Variants in ANKRD36C observed in about 807,000 individuals in gnomAD.
The protein encoded by ANKRD36C is ankyrin repeat domain 36C.
ANKRD36C carries 61 observed loss-of-function variants against 276.4 expected under a neutral mutation model. The ratio of observed to expected loss-of-function variants is 0.22; its 90% CI spans 0.18 to 0.27. The LOEUF is 0.27. Ranked by LOEUF, ANKRD36C falls within the 10% of genes least tolerant of loss-of-function variation. ANKRD36C has a pLI of 1.00. For synonymous variants in ANKRD36C, 483 were observed against 680.1 expected (o/e 0.71, Z 4.51); for missense variants, 1,447 against 2,032.3 (o/e 0.71, Z 5.54).
intron 1 of ANKRD36C, among the ~76,000 whole-genome samples, chr2:95,990,345 C>G (rs988607364): frequency 6.6e-6 from 1 of 152,308 alleles, no homozygotes; most frequent in East Asian, 1.9e-4. Flanking sequence ...TTCGCCATTA[C>G]TTGTAATTGC....
intron 63 of ANKRD36C, 41 bp from the exon 84 acceptor site, chr2:95,853,902 C>A (rs1558615211): frequency 6.3e-7 from 1 of 1,575,932 alleles, no homozygotes; most frequent in East Asian, 2.3e-5. Flanking sequence ...TACAAATCAC[C>A]TTATTATTAA....
At chr2:95,917,830 C>T in intron 36 of ANKRD36C, 25 bp downstream of exon 38, 2 of 1,581,138 alleles carry the variant, frequency 1.3e-6, no homozygotes, top group South Asian at 1.1e-5. Context: ...TTGAACGTGA[C>T]ATTAAATGTC....
intron 17 of ANKRD36C, among the ~76,000 whole-genome samples, chr2:95,945,490 G>T (rs1262351186): frequency 6.6e-6 from 1 of 152,258 alleles, no homozygotes; most frequent in Non-Finnish European, 1.5e-5. Context: ...GTAATTTAGA[G>T]TATGACTGAA....
chr2:95,965,992 G>T (rs147000504), intron 6 of ANKRD36C, among the ~76,000 whole-genome samples: 1 of 151,956 alleles, frequency 6.6e-6, no homozygotes, highest in Non-Finnish European at 1.5e-5. Context: ...GTTACATGTC[G>T]TCAATAAGTT....
chr2:95,893,174 C>G (rs1411528063), intron 44 of ANKRD36C, among the ~76,000 whole-genome samples: 4 of 151,420 alleles, frequency 2.6e-5, no homozygotes, highest in Non-Finnish European at 1.5e-5. Flanking sequence ...CTGTTTTTAG[C>G]AGTACGATGT....
At chr2:95,855,181 A>G in intron 63 of ANKRD36C, 85 bp downstream of exon 83, 2 of 1,459,468 alleles carry the variant, frequency 1.4e-6, no homozygotes, top group Non-Finnish European at 1.8e-6. Flanking sequence ...ATATTCAACT[A>G]GATCCAACAT....
At chr2:95,885,728 G>A (rs982133388) in intron 52 of ANKRD36C, among the ~76,000 whole-genome samples, 78 of 151,694 alleles carry the variant, frequency 5.1e-4, no homozygotes, top group Non-Finnish European at 1.6e-4. Flanking sequence ...ACTTCGTCTC[G>A]TTCTCCTTCC....
chr2:95,948,632 TTCA>T, intron 16 of ANKRD36C, 36 bp from the exon 17 acceptor site: 6 of 1,527,082 alleles, frequency 3.9e-6, no homozygotes, highest in Non-Finnish European at 5.3e-6. Flanking sequence ...AATGAGCACG[TTCA>T]TTTCTTAAAA....
At chr2:95,902,536 C>G (rs557548357) in intron 42 of ANKRD36C, among the ~76,000 whole-genome samples, 23 of 150,554 alleles carry the variant, frequency 1.5e-4, no homozygotes, top group African/African-American at 4.6e-4. Context: ...GCAGTACGAT[C>G]TGAAGTGTGT....
At chr2:95,852,360 G>T in intron 64 of ANKRD36C, 164 bp from the exon 85 acceptor site, 1 of 633,516 alleles carries the variant, frequency 1.6e-6, no homozygotes, top group Non-Finnish European at 2.7e-6. Flanking sequence ...CCTGTTTTTT[G>T]TAATTAATTT....
rs746377818 is a variant in ANKRD36C, at chr2:95,855,288, T to C, written c.4973A>G (p.Glu1658Gly). 2.5e-6 allele frequency: 4 copies of C among 1,598,552 alleles called. No individual in the cohort carries two copies. The South Asian group carries it at 3.4e-5, about 14-fold the overall frequency. The change falls in exon 63 of 67, where the codon GAA becomes GGA. Residue 1658 changes from glutamate (E) to glycine (G), a missense_variant. Around this residue, in one of 13 missense-constraint regions of ANKRD36C, gnomAD observed 437 missense variants for 641.0 expected, o/e 0.68. Coordinates refer to ENST00000456556, the Ensembl canonical transcript of ANKRD36C. ...TACTTCTCTTTCTGCTTTCTCTTTT[T>C]CATATTGGCATTTTTTTTCTTTCGA...
intron 62 of ANKRD36C, among the ~76,000 whole-genome samples, chr2:95,856,895 C>A (rs1011755472): frequency 9.2e-5 from 14 of 152,180 alleles, no homozygotes; most frequent in African/African-American, 3.4e-4. Flanking sequence ...CAAAAATAAT[C>A]TTTTATTTCA....
In ANKRD36C at chr2:95,853,894, C is replaced by A. The variant is rs775763840; in HGVS notation, c.4996-33G>T. 9 of 1,586,780 alleles carry A rather than the reference C, an allele frequency of 5.7e-6. No individual in the cohort carries two copies. In the Admixed American group the frequency reaches 1.6e-4, roughly 28 times the overall value. ...GATGTTATTTTTGTTACTGATTTTACAAATCACCTTATTATTAAACCATTA... is the reference window on the plus strand; with the variant it reads ...GATGTTATTTTTGTTACTGATTTTAAAAATCACCTTATTATTAAACCATTA... On this transcript the variant is annotated intron_variant, in intron 63 of 66. Coordinates refer to ENST00000456556, the Ensembl canonical transcript of ANKRD36C.
chr2:95,891,963 T>C (rs1202524849), intron 44 of ANKRD36C, 103 bp from the exon 65 acceptor site: 2 of 1,525,662 alleles, frequency 1.3e-6, no homozygotes, highest in East Asian at 2.5e-5. Context: ...CTGCCTGTAT[T>C]AGCGTAGGCT....
chr2:95,910,786 T>C (rs1573757790), intron 42 of ANKRD36C, among the ~76,000 whole-genome samples: 1 of 151,398 alleles, frequency 6.6e-6, no homozygotes, highest in Non-Finnish European at 1.5e-5. Context: ...TCAAACACGG[T>C]ACGATTTCTC....
intron 44 of ANKRD36C, 76 bp downstream of exon 64, chr2:95,893,457 C>A: frequency 1.3e-6 from 2 of 1,520,752 alleles, no homozygotes; most frequent in South Asian, 1.2e-5. Flanking sequence ...GACGAGCCCC[C>A]CGCTGATTTA....
chr2:95,857,341 C>T (rs757800667), exon 62 of ANKRD36C: 3 of 1,597,830 alleles, frequency 1.9e-6, no homozygotes, highest in East Asian at 2.2e-5. Flanking sequence ...GTCTTCAATT[C>T]CACCTCTGCT....
intron 1 of ANKRD36C, among the ~76,000 whole-genome samples, chr2:95,989,172 TAAAC>T (rs1679088530): frequency 6.6e-6 from 1 of 152,022 alleles, no homozygotes; most frequent in South Asian, 2.1e-4. Context: ...ATCACAAAAA[TAAAC>T]AAACAAGCAA....
At chr2:95,891,418 T>C (rs1323929734) in intron 46 of ANKRD36C, among the ~76,000 whole-genome samples, 2 of 151,472 alleles carry the variant, frequency 1.3e-5, no homozygotes, top group Non-Finnish European at 3.0e-5. Context: ...GAGCCCCTTA[T>C]GCCTTGAACT....
Sources: gnomAD v4.1 joint callset for allele counts (sites outside exome capture counted in the v4.1 genomes callset) on GRCh38, gnomAD v4.1.1 for gene constraint, gnomAD v4.1.1 regional missense constraint, MANE v1.5 for transcripts, NCBI Gene and HGNC (gene_info 2026-07-23, HGNC 2026-07-21) for gene names.